KCNH1: variants seen among roughly 807,000 people sequenced by gnomAD.
KCNH1 encodes the protein potassium voltage-gated channel subfamily H member 1, also known as voltage-gated delayed rectifier potassium channel KCNH1.
In KCNH1, 27 loss-of-function variants were observed where a neutral mutation model predicts 69.2. That is an observed-to-expected ratio of 0.39 (90% confidence interval 0.29 to 0.54). The LOEUF is 0.54. Among genes scored for constraint, KCNH1 ranks in the 20% least tolerant of loss-of-function variants. The pLI is 0.68. For synonymous variants in KCNH1, 456 were observed against 487.7 expected, an observed-to-expected ratio of 0.93 and a Z score of 0.86; for missense variants, 798 against 1,261.6, an observed-to-expected ratio of 0.63 and a Z score of 5.57.
intron 6 of KCNH1, among the ~76,000 whole-genome samples, chr1:211,012,495 G>T (rs1200604842): frequency 1.3e-5 from 2 of 152,154 alleles, no homozygotes; most frequent in Non-Finnish European, 2.9e-5. Context: ...AAAAATGGAA[G>T]AACCCTATAT....
At chr1:210,932,828 G>C (rs929564687) in intron 6 of KCNH1, among the ~76,000 whole-genome samples, 3 of 152,074 alleles carry the variant, frequency 2.0e-5, no homozygotes, top group Admixed American at 1.3e-4. Context: ...AAATATATAT[G>C]AACCCAACAC....
intron 3 of KCNH1, among the ~76,000 whole-genome samples, chr1:211,100,591 T>C (rs1457332339): frequency 6.6e-6 from 1 of 152,200 alleles, no homozygotes; most frequent in Non-Finnish European, 1.5e-5. Context: ...CATCAAATGA[T>C]CCACCCACCT....
intron 10 of KCNH1, among the ~76,000 whole-genome samples, chr1:210,729,515 A>G (rs1227784393): frequency 1.3e-5 from 2 of 152,236 alleles, no homozygotes; most frequent in Non-Finnish European, 2.9e-5. Flanking sequence ...TCTTCACTCA[A>G]GAAAGCATAT....
chr1:211,001,954 T>G (rs1049766962), intron 6 of KCNH1, among the ~76,000 whole-genome samples: 17 of 151,090 alleles, frequency 1.1e-4, no homozygotes, highest in African/African-American at 3.2e-4. Flanking sequence ...TAGGTGGGAA[T>G]TGAACAATGA....
At chr1:210,922,383 CAA>C (rs758026291) in intron 6 of KCNH1, among the ~76,000 whole-genome samples, 1 of 98,350 alleles carries the variant, frequency 1.0e-5, no homozygotes, top group African/African-American at 3.5e-5. Flanking sequence ...GACTCCGTCT[CAA>C]AAAAAAAAAA....
rs117601266 is a variant in KCNH1 at position 210,732,222 on chromosome 1, G to A, written c.2112+43126C>T. The stretch of plus-strand genomic sequence containing the variant: ...AATCTCACCCCCACAAGCAGAACCA[G>A]GCAGCCCAGTGTGGCTCCTCTGGGG... On this transcript the variant is annotated intron_variant, in intron 10 of 10. Coordinates refer to ENST00000271751, the MANE Select transcript of KCNH1 (RefSeq NM_172362.3). Among the ~76,000 whole-genome samples the A allele has an allele frequency of 3.3e-5, 5 of 151,786 alleles. No individual in the cohort carries two copies. The East Asian group carries it at 9.8e-4, about 30-fold the overall frequency.
chr1:211,001,438 G>A (rs1689177017), intron 6 of KCNH1, among the ~76,000 whole-genome samples: 1 of 152,198 alleles, frequency 6.6e-6, no homozygotes, highest in South Asian at 2.1e-4. Flanking sequence ...GGCCATCAGA[G>A]AAATGCAAAT....
chr1:211,010,719 G>A (rs1293478559), intron 6 of KCNH1, among the ~76,000 whole-genome samples: 1 of 152,148 alleles, frequency 6.6e-6, no homozygotes, highest in Non-Finnish European at 1.5e-5. Context: ...CACATTCTCT[G>A]CCAAGGTCTA....
At chr1:210,945,646 C>T (rs1574353302) in intron 6 of KCNH1, among the ~76,000 whole-genome samples, 2 of 152,204 alleles carry the variant, frequency 1.3e-5, no homozygotes, top group African/African-American at 2.4e-5. Context: ...ATGTCTCCAA[C>T]TTTGTTTCTT....
intron 7 of KCNH1, among the ~76,000 whole-genome samples, chr1:210,837,899 G>A (rs1262574868): frequency 6.6e-6 from 1 of 152,140 alleles, no homozygotes; most frequent in African/African-American, 2.4e-5. Context: ...TATCATTGTT[G>A]TTATTTTATG....
intron 5 of KCNH1, among the ~76,000 whole-genome samples, chr1:211,045,912 T>C (rs962041643): frequency 3.0e-4 from 45 of 152,278 alleles, no homozygotes; most frequent in Admixed American, 9.2e-4. Flanking sequence ...TTTGGGTTAA[T>C]AATACAAGAG....
At chr1:210,722,868 T>G (rs1425806411) in intron 10 of KCNH1, among the ~76,000 whole-genome samples, 1 of 152,176 alleles carries the variant, frequency 6.6e-6, no homozygotes, top group Non-Finnish European at 1.5e-5. Flanking sequence ...CCCAGAAATT[T>G]CCTTGTTTGT....
intron 6 of KCNH1, among the ~76,000 whole-genome samples, chr1:210,965,278 G>T (rs544272029): frequency 1.3e-5 from 2 of 152,042 alleles, no homozygotes; most frequent in Admixed American, 1.3e-4. Flanking sequence ...AAGAAATAAA[G>T]GGTATTTAAT....
At chr1:210,867,372 T>C (rs1294358071) in intron 7 of KCNH1, among the ~76,000 whole-genome samples, 2 of 151,196 alleles carry the variant, frequency 1.3e-5, no homozygotes, top group Non-Finnish European at 3.0e-5. Context: ...CATATATATA[T>C]ATATATGTGT....
intron 7 of KCNH1, among the ~76,000 whole-genome samples, chr1:210,903,683 A>C: frequency 6.6e-6 from 1 of 152,202 alleles, no homozygotes; most frequent in East Asian, 1.9e-4. Flanking sequence ...CATTGGAATA[A>C]GGGTTGACAC....
At chr1:210,856,895 AT>A (rs1558499309) in intron 7 of KCNH1, among the ~76,000 whole-genome samples, 6 of 137,520 alleles carry the variant, frequency 4.4e-5, no homozygotes, top group South Asian at 4.7e-4. Context: ...ATATATATAT[AT>A]ATAAAATACT....
chr1:211,066,704 G>A (rs1028621804), intron 5 of KCNH1, among the ~76,000 whole-genome samples: 3 of 152,162 alleles, frequency 2.0e-5, no homozygotes, highest in Non-Finnish European at 4.4e-5. Context: ...GAAGAAAGAG[G>A]AGGAAATAGA....
Position 211,115,701 on chromosome 1 carries a change from C to CTATATA in KCNH1, c.80-8330_80-8325dup, listed in dbSNP as rs201384583. On this transcript the variant is annotated intron_variant, in intron 1 of 10. Transcript: ENST00000271751. ...GTAAGTTAATACTTAATAAACTCCC[C>CTATATA]TATATATATATATATGTATATATAT... 1.7e-3 allele frequency among the ~76,000 whole-genome samples: 121 copies of CTATATA among 70,734 alleles called. 6 individuals are homozygous for CTATATA. The highest frequency in any genetic ancestry group is 4.3e-3 in the African/African-American group (66 of 15,414). 46.4% of individuals were successfully genotyped at this position (70,734 alleles called of 152,430 possible). A position where few individuals can be genotyped will look rare whatever the true frequency, so the allele number is the denominator to read the frequency against.
chr1:210,841,035 G>A (rs1011091095), intron 7 of KCNH1, among the ~76,000 whole-genome samples: 8 of 152,002 alleles, frequency 5.3e-5, no homozygotes, highest in Non-Finnish European at 5.9e-5. Context: ...AAAACAGAGC[G>A]GTAGCCTCTG....
Sources: gnomAD v4.1 joint callset for allele counts (sites outside exome capture counted in the v4.1 genomes callset) on GRCh38, gnomAD v4.1.1 for gene constraint, MANE v1.5 for transcripts, NCBI Gene and HGNC (gene_info 2026-07-23, HGNC 2026-07-21) for gene names.